The following MAPK4 variants were observed in gnomAD, a reference collection of about 807,000 sequenced individuals.
MAPK4 encodes the protein Erk3-related.
MAPK4 carries 22 observed loss-of-function variants against 47.7 expected under a neutral mutation model. The observed-to-expected ratio is 0.46, with a 90% CI of 0.33 to 0.66. The LOEUF is 0.66. MAPK4 is among the 30% of genes least tolerant of loss of function. MAPK4 has a pLI of 0.02. For synonymous variants in MAPK4, 390 were observed against 365.7 expected (o/e 1.07, Z -0.76); for missense variants, 736 against 831.7 (o/e 0.88, Z 1.42).
At chr18:50,706,983 G>GCT (rs1334964960) in intron 2 of MAPK4, among the ~76,000 whole-genome samples, 1 of 152,216 alleles carries the variant, frequency 6.6e-6, no homozygotes, top group Non-Finnish European at 1.5e-5. Flanking sequence ...CAGACGGTGA[G>GCT]CTCTAGCTGA....
rs569279132 is a variant in MAPK4 at position 50,701,149 on chromosome 18, G to C, written c.547-13930G>C. On this transcript the variant is annotated intron_variant, in intron 2 of 5. Transcript: ENST00000400384. ...CCTAGAATATGTTTCTGCTTTCCAA[G>C]CTTAAATTCTAACAAGACACCCCCA... Among the ~76,000 whole-genome samples, 14 of 152,140 alleles carry C rather than the reference G, an allele frequency of 9.2e-5. No individual in the cohort carries two copies. The South Asian group carries it at 2.7e-3, about 29-fold the overall frequency.
chr18:50,607,100 A>G (rs1266414047), intron 1 of MAPK4, among the ~76,000 whole-genome samples: 1 of 152,218 alleles, frequency 6.6e-6, no homozygotes, highest in Admixed American at 6.5e-5. Context: ...CTTTGTATGC[A>G]AAGCATCACA....
chr18:50,722,222 C>A, intron 4 of MAPK4, 123 bp downstream of exon 4: 1 of 1,113,984 alleles, frequency 9.0e-7, no homozygotes, highest in Non-Finnish European at 1.2e-6. Flanking sequence ...ATATAAAAGT[C>A]AAGGCTCCCC....
At chr18:50,628,929 T>C (rs1242580236) in intron 1 of MAPK4, among the ~76,000 whole-genome samples, 3 of 152,276 alleles carry the variant, frequency 2.0e-5, no homozygotes, top group African/African-American at 7.2e-5. Context: ...TTTCATTTTA[T>C]TTTATATCCA....
At chr18:50,635,056 G>A (rs1427893169) in intron 1 of MAPK4, among the ~76,000 whole-genome samples, 3 of 152,226 alleles carry the variant, frequency 2.0e-5, no homozygotes, top group Non-Finnish European at 4.4e-5. Flanking sequence ...GTGCAGCCAA[G>A]GCTAAGCATG....
chr18:50,606,402 G>GAGTTCAAATCTCACT (rs2030907508), intron 1 of MAPK4, among the ~76,000 whole-genome samples: 1 of 152,178 alleles, frequency 6.6e-6, no homozygotes, highest in African/African-American at 2.4e-5. Context: ...TCAAAGTAGT[G>GAGTTCAAATCTCACT]CTTGAGTGAG....
At chr18:50,670,785 G>A (rs906860969) in intron 2 of MAPK4, among the ~76,000 whole-genome samples, 4 of 150,622 alleles carry the variant, frequency 2.7e-5, no homozygotes, top group African/African-American at 7.3e-5. Context: ...ATCAACTAGT[G>A]TAGTGGTTCT....
chr18:50,627,631 C>T (rs924597131), intron 1 of MAPK4, among the ~76,000 whole-genome samples: 2 of 152,198 alleles, frequency 1.3e-5, no homozygotes, highest in African/African-American at 2.4e-5. Context: ...AACAAACTTC[C>T]TCACAGTAAC....
chr18:50,631,529 C>T (rs955616278), intron 1 of MAPK4, among the ~76,000 whole-genome samples: 1 of 152,306 alleles, frequency 6.6e-6, no homozygotes. Context: ...AACTTAGCGT[C>T]TCCTAAGTGT....
At chr18:50,677,846 C>T (rs1462159775) in intron 2 of MAPK4, among the ~76,000 whole-genome samples, 4 of 152,204 alleles carry the variant, frequency 2.6e-5, no homozygotes, top group East Asian at 1.9e-4. Context: ...TGAGCCCCTG[C>T]ACCTCCCAGG....
intron 1 of MAPK4, among the ~76,000 whole-genome samples, chr18:50,584,408 G>A (rs1305288411): frequency 1.3e-5 from 2 of 152,034 alleles, no homozygotes; most frequent in Non-Finnish European, 2.9e-5. Flanking sequence ...AGCCTCTAGG[G>A]CATGTCTCAT....
intron 1 of MAPK4, among the ~76,000 whole-genome samples, chr18:50,662,539 T>C (rs1431058636): frequency 6.6e-6 from 1 of 152,226 alleles, no homozygotes; most frequent in African/African-American, 2.4e-5. Context: ...TGTAATTTGG[T>C]ACATGGGCTT....
chr18:50,730,070 G>C lies in MAPK4; in HGVS notation c.*216G>C. ...CGGGTTTGAACAGGACCCTGGCTTA[G>C]GGGTTGATCACTTTCCTAGCAAAGG... On this transcript the variant is annotated 3_prime_UTR_variant, in exon 6 of 6. Coordinates refer to ENST00000400384, the MANE Select transcript of MAPK4 (RefSeq NM_002747.4). 1 of 449,752 alleles carries C rather than the reference G, an allele frequency of 2.2e-6. No homozygotes were observed. The highest frequency in any genetic ancestry group is 7.0e-5 in the South Asian group (1 of 14,250). 27.9% of individuals were successfully genotyped at this position (449,752 alleles called of 1,614,324 possible).
intron 1 of MAPK4, among the ~76,000 whole-genome samples, chr18:50,612,628 T>G (rs1453417080): frequency 1.3e-5 from 2 of 152,200 alleles, no homozygotes; most frequent in Non-Finnish European, 2.9e-5. Context: ...TTGTTTTTTC[T>G]TGCCAGCAGG....
intron 1 of MAPK4, among the ~76,000 whole-genome samples, chr18:50,609,056 C>G (rs1026273746): frequency 1.3e-5 from 2 of 152,166 alleles, no homozygotes; most frequent in Non-Finnish European, 2.9e-5. Context: ...TATAGATTAA[C>G]AGCATCCCAA....
chr18:50,633,454 T>C (rs925488432), intron 1 of MAPK4, among the ~76,000 whole-genome samples: 6 of 152,182 alleles, frequency 3.9e-5, no homozygotes, highest in Non-Finnish European at 8.8e-5. Context: ...TCCCAGTTGA[T>C]GTATAAACAT....
intron 2 of MAPK4, among the ~76,000 whole-genome samples, chr18:50,687,830 G>A (rs868167506): frequency 2.6e-4 from 39 of 152,194 alleles, no homozygotes; most frequent in African/African-American, 8.9e-4. Context: ...CTAGAATGCC[G>A]TCAGCTGCTC....
chr18:50,600,666 G>A (rs1397924274), intron 1 of MAPK4, among the ~76,000 whole-genome samples: 1 of 152,110 alleles, frequency 6.6e-6, no homozygotes, highest in Non-Finnish European at 1.5e-5. Flanking sequence ...TGTAATAAAT[G>A]TACTTTCTGT....
intron 1 of MAPK4, among the ~76,000 whole-genome samples, chr18:50,582,431 G>A (rs1376286029): frequency 6.6e-6 from 1 of 152,226 alleles, no homozygotes; most frequent in Non-Finnish European, 1.5e-5. Flanking sequence ...CTCAGCCTGG[G>A]ACCATATCAC....
Sources: allele counts gnomAD v4.1 joint callset (sites outside exome capture counted in the v4.1 genomes callset), GRCh38; gene constraint gnomAD v4.1.1; transcripts MANE v1.5; gene names NCBI Gene and HGNC (gene_info 2026-07-23, HGNC 2026-07-21).